The following SSC5D variants were observed in gnomAD, a reference collection of about 807,000 sequenced individuals.
SSC5D encodes scavenger receptor cysteine rich family member with 5 domains.
Under a neutral mutation model 104.6 loss-of-function variants are expected in SSC5D, and 106 were observed. The observed-to-expected ratio is 1.01, with a 90% CI of 0.87 to 1.19. The LOEUF (loss-of-function observed/expected upper bound fraction) is 1.19. Ranked by LOEUF, SSC5D falls within the 50% of genes most tolerant of loss-of-function variation. The pLI, the probability that SSC5D is intolerant of heterozygous loss-of-function variation, is 0.00. For synonymous variants in SSC5D, 860 were observed against 883.5 expected (o/e 0.97, Z 0.47); for missense variants, 1,993 against 2,153.8 (o/e 0.93, Z 1.48).
Position 55,518,553 on chromosome 19 carries a change from A to T in SSC5D, c.4277A>T (p.His1426Leu). Residue 1426 changes from histidine to leucine, a missense_variant, in exon 14 of 14, where the codon CAT becomes CTT. Transcript: ENST00000389623. ...CCCAACCTAACCCCTCCACCCACCC[A>T]TACCCCACACTCAGCCTCTGACCTT... ...QSPNLTPPPTHTPHSASDLTV... is the reference protein window; with the variant it reads ...QSPNLTPPPTLTPHSASDLTV... The T allele has an allele frequency of 6.5e-7, 1 of 1,541,636 alleles. No individual in the cohort carries two copies. Among genetic ancestry groups the T allele is most frequent in the Non-Finnish European group, 8.7e-7 (1 of 1,143,970 alleles).
intron 12 of SSC5D, among the ~76,000 whole-genome samples, chr19:55,512,210 A>G (rs1055405527): frequency 3.0e-4 from 46 of 151,556 alleles, no homozygotes; most frequent in Middle Eastern, 3.4e-3. Context: ...AAAAAAAAAA[A>G]AAAAGAAAAG....
rs1243441522 is a variant in SSC5D at position 55,493,651 on chromosome 19, G to C, written c.952G>C (p.Glu318Gln). 6.7e-7 allele frequency: 1 copy of C among 1,503,048 alleles called. No individual in the cohort carries two copies. Among genetic ancestry groups the C allele is most frequent in the East Asian group, 2.6e-5 (1 of 38,704 alleles). 93.1% of individuals were successfully genotyped at this position (1,503,048 alleles called of 1,614,324 possible). A position where few individuals can be genotyped will look rare whatever the true frequency, so the allele number is the denominator to read the frequency against. Residue 318 changes from glutamate to glutamine, a missense_variant, in exon 7 of 14, where the codon GAG (glutamate) becomes CAG (glutamine). Physicochemically the swap from Glu to Gln is conservative, Grantham distance 29. Around this residue, in one of 6 missense-constraint regions of SSC5D, gnomAD observed 1,101 missense variants for 1,085.0 expected, o/e 1.01. Transcript: ENST00000389623. Reference protein sequence around the residue: ...DGPHGCAGRLEVWHGGRWGSV... With the variant: ...DGPHGCAGRLQVWHGGRWGSV... ...CCCCCACGGGTGCGCCGGCCGCCTG[G>C]AGGTCTGGCACGGGGGTCGCTGGGG...
At chr19:55,511,129 G>A (rs574817181) in intron 12 of SSC5D, among the ~76,000 whole-genome samples, 32 of 152,292 alleles carry the variant, frequency 2.1e-4, no homozygotes, top group Middle Eastern at 3.4e-3. Context: ...ATATCTGGTA[G>A]GATTTTATAG....
chr19:55,491,789 CCT>C (rs1419087743), intron 6 of SSC5D: 1 of 152,434 alleles, frequency 6.6e-6, no homozygotes, highest in Non-Finnish European at 1.5e-5. Flanking sequence ...TTCCTTCCTC[CCT>C]CTTTCCCTTT....
Position 55,489,480 on chromosome 19 carries a change from A to AGCTGGGCTGCGGAGGGGCACTGGCC in SSC5D, c.182_206dup (p.Pro70GlyfsTer65). The AGCTGGGCTGCGGAGGGGCACTGGCC allele has an allele frequency of 6.8e-7, 1 of 1,474,024 alleles. No individual in the cohort carries two copies. The highest frequency in any genetic ancestry group is 1.4e-5 in the South Asian group (1 of 73,130). The allele number at this position is 1,474,024 out of a possible 1,614,324, so 91.3% of individuals were successfully genotyped here. Reference sequence around the variant, plus strand: ...CGCGATGCCGCCGTGGCCTGCCGGCAGCTGGGCTGCGGAGGGGCACTGGCC... The same window carrying AGCTGGGCTGCGGAGGGGCACTGGCC: ...CGCGATGCCGCCGTGGCCTGCCGGCAGCTGGGCTGCGGAGGGGCACTGGCCGCTGGGCTGCGGAGGGGCACTGGCC... On this transcript the variant is annotated frameshift_variant, in exon 3 of 14. Coordinates refer to ENST00000389623, the MANE Select transcript of SSC5D (RefSeq NM_001144950.2). LOFTEE classifies it high-confidence loss of function.
intron 6 of SSC5D, 129 bp from the exon 7 acceptor site, chr19:55,493,466 A>G: frequency 1.2e-6 from 1 of 836,642 alleles, no homozygotes; most frequent in Middle Eastern, 3.8e-4. Flanking sequence ...CCTTTTCCTC[A>G]TTTGGATAGT....
chr19:55,504,168 G>A (rs1987584845), intron 12 of SSC5D: 2 of 1,535,752 alleles, frequency 1.3e-6, no homozygotes, highest in South Asian at 1.2e-5. Flanking sequence ...GGACTGCCAG[G>A]GTTGCAGCGC....
intron 12 of SSC5D, among the ~76,000 whole-genome samples, chr19:55,506,424 T>A: frequency 7.6e-6 from 1 of 131,670 alleles, no homozygotes. Context: ...AGACGGAGTC[T>A]CGCTCTGTCG....
In SSC5D at chr19:55,489,965, C is replaced by T. The variant is rs780694743; in HGVS notation, c.445C>T (p.Pro149Ser). 1.3e-6 allele frequency: 2 copies of T among 1,549,832 alleles called. No homozygotes were observed. The highest frequency in any genetic ancestry group is 2.0e-5 in the Admixed American group (1 of 50,960). ...GCCAGGGCTGTTGCTGGAGCTGAGC[C>T]CCAGCACGGAGGAGCCCCTGGTGAC... The part of the protein sequence containing the change: ...PWPGLLLELS[P>S]STEEPLVTHA... The change falls in exon 4 of 14, where the codon CCC (proline) becomes TCC (serine). Residue 149 changes from proline (P) to serine (S), a missense_variant. This residue lies in a region of SSC5D where 1,101 missense variants were observed against 1,085.0 expected (regional missense o/e 1.01). Coordinates refer to ENST00000389623, the MANE Select transcript of SSC5D (RefSeq NM_001144950.2).
rs1352371452 is a variant in SSC5D, at chr19:55,504,156, A to G, written c.2785+2955A>G. 3.3e-6 allele frequency: 5 copies of G among 1,535,560 alleles called. No individual in the cohort carries two copies. The Admixed American group carries it at 5.9e-5, about 18-fold the overall frequency. Reference sequence around the variant, plus strand: ...CTCCGAGAGGTGATGCTCCTCGTTCAAGGACTGCCAGGGTTGCAGCGCCTC... The same window carrying G: ...CTCCGAGAGGTGATGCTCCTCGTTCGAGGACTGCCAGGGTTGCAGCGCCTC... On this transcript the variant is annotated intron_variant, in intron 12 of 13. Transcript: ENST00000389623.
In SSC5D at chr19:55,513,119, G is replaced by A; in HGVS notation, c.2894G>A (p.Gly965Asp). 1 of 1,542,698 alleles carries A rather than the reference G, an allele frequency of 6.5e-7. No homozygotes were observed. Among genetic ancestry groups the A allele is most frequent in the Non-Finnish European group, 8.8e-7 (1 of 1,141,758 alleles). Reference protein sequence around the residue: ...AGKLGPTLGAGTTRSPGSPPT... With the variant: ...AGKLGPTLGADTTRSPGSPPT... ...AAACTAGGACCAACTCTTGGGGCTG[G>A]CACCACCAGGAGCCCAGGCAGTCCT... The change falls in exon 13 of 14, where the codon GGC becomes GAC. Residue 965 changes from glycine (G) to aspartate (D), a missense_variant. This residue lies in a region of SSC5D where 423 missense variants were observed against 409.2 expected (regional missense o/e 1.03). Transcript: ENST00000389623.
Position 55,501,066 on chromosome 19 carries a change from A to T in SSC5D, c.2650A>T (p.Thr884Ser). ...YTDYDDYPPW[T>S]WDPTSREDLA... ...AGACTATGACGATTATCCCCCCTGG[A>T]CCTGGGACCCCACCTCAAGAGAGGA... The change falls in exon 12 of 14, where the codon ACC (threonine) becomes TCC (serine). Residue 884 changes from threonine (T) to serine (S), a missense_variant. Around this residue, in one of 6 missense-constraint regions of SSC5D, gnomAD observed 423 missense variants for 409.2 expected, o/e 1.03. Transcript: ENST00000389623. 4 of 1,551,882 alleles carry T rather than the reference A, an allele frequency of 2.6e-6. No homozygotes were observed. The highest frequency in any genetic ancestry group is 2.6e-6 in the Non-Finnish European group (3 of 1,147,006).
chr19:55,511,289 C>T (rs368574691), intron 12 of SSC5D, among the ~76,000 whole-genome samples: 2 of 152,212 alleles, frequency 1.3e-5, no homozygotes, highest in African/African-American at 2.4e-5. Context: ...TAGCAGGTAA[C>T]GGAGCAAGGG....
Position 55,490,369 on chromosome 19 carries a change from A to G in SSC5D, c.547A>G (p.Thr183Ala). 6.6e-7 allele frequency: 1 copy of G among 1,515,650 alleles called. No individual in the cohort carries two copies. The highest frequency in any genetic ancestry group is 1.4e-5 in the African/African-American group (1 of 71,392). 93.9% of individuals were successfully genotyped at this position (1,515,650 alleles called of 1,614,324 possible). A position where few individuals can be genotyped will look rare whatever the true frequency, so the allele number is the denominator to read the frequency against. Residue 183 changes from threonine (T) to alanine (A), a missense_variant, in exon 5 of 14, where the codon ACC becomes GCC. By Grantham distance (58) the Thr-to-Ala change is moderately conservative. Coordinates refer to ENST00000389623, the MANE Select transcript of SSC5D (RefSeq NM_001144950.2). ...CCCCCGGCCCAAGCAGGCCAAGTCC[A>G]CCCGGGCCCCTCTGCTGACGACAGG... ...KSPRPKQAKSTRAPLLTTGAP... is the reference protein window; with the variant it reads ...KSPRPKQAKSARAPLLTTGAP...
At position 55,490,307 on chromosome 19, in the gene SSC5D, C is replaced by A; in HGVS notation, c.485C>A (p.Pro162Gln). ...EEPLVTHAPR[P>Q]AGNPQNASRK... is the part of the protein sequence containing the mutation. Reference sequence around the variant, plus strand: ...CTGTCTCCACTCCCAGCCCCCCGCCCAGCTGGGAACCCCCAGAACGCCTCC... The same window carrying A: ...CTGTCTCCACTCCCAGCCCCCCGCCAAGCTGGGAACCCCCAGAACGCCTCC... Residue 162 changes from proline to glutamine, a missense_variant, in exon 5 of 14, where the codon CCA becomes CAA. Around this residue, in one of 6 missense-constraint regions of SSC5D, gnomAD observed 1,101 missense variants for 1,085.0 expected, o/e 1.01. Transcript: ENST00000389623. The A allele has an allele frequency of 8.2e-7, 1 of 1,224,866 alleles. No individual in the cohort carries two copies. Among genetic ancestry groups the A allele is most frequent in the Non-Finnish European group, 1.2e-6 (1 of 856,682 alleles). The allele number at this position is 1,224,866 out of a possible 1,614,324, so 75.9% of individuals were successfully genotyped here.
chr19:55,495,901 ATTTTTTTT>A (rs36109915), intron 8 of SSC5D, among the ~76,000 whole-genome samples: 3 of 98,710 alleles, frequency 3.0e-5, no homozygotes, highest in South Asian at 7.2e-4. Flanking sequence ...GAGCCTGGCT[ATTTTTTTT>A]TTTTTTTTTT....
chr19:55,494,237 C>T (rs561311648), intron 7 of SSC5D, among the ~76,000 whole-genome samples: 2 of 152,220 alleles, frequency 1.3e-5, no homozygotes, highest in South Asian at 4.1e-4. Flanking sequence ...GCCTCCACAG[C>T]TGAGAACAGT....
At chr19:55,514,406 AAATAATAATAATAATAATAATAAT>A (rs55837985) in intron 13 of SSC5D, among the ~76,000 whole-genome samples, 1 of 99,578 alleles carries the variant, frequency 1.0e-5, no homozygotes, top group Non-Finnish European at 1.9e-5. Flanking sequence ...CTCTGTCTCA[AAATAATAATAATAATAATAATAAT>A]AATAATAATA....
At position 55,493,678 on chromosome 19, in the gene SSC5D, T is replaced by C. The variant is rs1369891336; in HGVS notation, c.979T>C (p.Ser327Pro). Residue 327 changes from serine (S) to proline (P), a missense_variant, in exon 7 of 14, where the codon TCG (serine) becomes CCG (proline). By Grantham distance (74) the Ser-to-Pro change is moderately conservative (BLOSUM62 -1). Coordinates refer to ENST00000389623, the MANE Select transcript of SSC5D (RefSeq NM_001144950.2). ...LEVWHGGRWG[S>P]VCDDAWDLRD... ...GGTCTGGCACGGGGGTCGCTGGGGG[T>C]CGGTGTGTGACGACGCCTGGGACCT... 15 of 1,504,470 alleles carry C rather than the reference T, an allele frequency of 1.0e-5. No homozygotes were observed. Among genetic ancestry groups the C allele is most frequent in the Non-Finnish European group, 1.3e-5 (15 of 1,133,688 alleles). 93.2% of individuals were successfully genotyped at this position (1,504,470 alleles called of 1,614,324 possible).
Sources: gnomAD v4.1 joint callset for allele counts (sites outside exome capture counted in the v4.1 genomes callset) on GRCh38, gnomAD v4.1.1 for gene constraint, gnomAD v4.1.1 regional missense constraint, MANE v1.5 for transcripts, NCBI Gene and HGNC (gene_info 2026-07-23, HGNC 2026-07-21) for gene names.